The following GABRR1 variants were observed in gnomAD, a reference collection of about 807,000 sequenced individuals.
GABRR1 encodes the protein gamma-aminobutyric acid type A receptor subunit rho1.
In GABRR1, 59 loss-of-function variants were observed where a neutral mutation model predicts 55.5. The observed-to-expected ratio is 1.06, with a 90% CI of 0.86 to 1.32. GABRR1 has a LOEUF of 1.32. Ranked by LOEUF, GABRR1 falls within the 40% of genes most tolerant of loss-of-function variation. The pLI is 0.00. For synonymous variants in GABRR1, 213 were observed against 226.0 expected (o/e 0.94, Z 0.51); for missense variants, 602 against 619.1 (o/e 0.97, Z 0.29).
chr6:89,219,624 T>C (rs79106481), upstream of GABRR1, among the ~76,000 whole-genome samples: 953 of 152,344 alleles, frequency 6.3e-3, 13 homozygotes, highest in African/African-American at 0.022. Context: ...TCTGATCCTA[T>C]AGGGATGTAT....
intron 6 of GABRR1, among the ~76,000 whole-genome samples, chr6:89,188,857 T>C (rs1043897411): frequency 3.9e-5 from 6 of 152,182 alleles, no homozygotes; most frequent in Non-Finnish European, 7.3e-5. Flanking sequence ...TCTGTGTGTG[T>C]GCAAGCTTCC....
intron 2 of GABRR1, among the ~76,000 whole-genome samples, chr6:89,202,146 A>G (rs7774070): frequency 0.41 from 62,445 of 151,926 alleles, 14,725 homozygotes; most frequent in East Asian, 0.89. Context: ...GGTCATTTGT[A>G]TTTATTTTCT....
At position 89,216,484 on chromosome 6, in the gene GABRR1, G is replaced by A. The variant is rs913264038; in HGVS notation, c.122+717C>T. Among the ~76,000 whole-genome samples, 7 of 152,284 alleles carry A rather than the reference G, an allele frequency of 4.6e-5. No individual in the cohort carries two copies. In the East Asian group the frequency reaches 7.7e-4, roughly 17 times the overall value. The stretch of plus-strand genomic sequence containing the variant: ...GTCTCCTGTATTATTGACTGATGCC[G>A]GGCAAGCAGGTGTGCATCCCAGATA... On this transcript the variant is annotated intron_variant, in intron 1 of 9. Coordinates refer to ENST00000454853, the MANE Select transcript of GABRR1 (RefSeq NM_002042.5).
At chr6:89,182,139 T>G (rs1168338098) in intron 7 of GABRR1, 82 bp from the exon 8 acceptor site, 1 of 1,365,080 alleles carries the variant, frequency 7.3e-7, no homozygotes, top group Non-Finnish European at 1.0e-6. Context: ...GTTAAGTGCC[T>G]TAGACACTCC....
At chr6:89,205,449 A>G (rs1772612482) in intron 1 of GABRR1, 1 of 152,276 alleles carries the variant, frequency 6.6e-6, no homozygotes, top group African/African-American at 2.4e-5. Flanking sequence ...TGTTAAGATG[A>G]TGCAGGATGA....
intron 5 of GABRR1, 114 bp downstream of exon 5, chr6:89,197,906 A>C: frequency 1.3e-6 from 1 of 768,224 alleles, no homozygotes; most frequent in Non-Finnish European, 2.2e-6. Flanking sequence ...GATGTTGAGA[A>C]GCTGGCAACT....
chr6:89,210,215 GA>G (rs1772791599), intron 1 of GABRR1, among the ~76,000 whole-genome samples: 4 of 91,118 alleles, frequency 4.4e-5, no homozygotes, highest in Non-Finnish European at 8.1e-5. Flanking sequence ...TTTTTTTGGA[GA>G]TAGTTCTTAC....
At chr6:89,184,432 G>C (rs961663970) in intron 7 of GABRR1, among the ~76,000 whole-genome samples, 2 of 152,032 alleles carry the variant, frequency 1.3e-5, no homozygotes, top group Non-Finnish European at 2.9e-5. Context: ...GCAACAGGAG[G>C]GGGTGAGCCT....
intron 4 of GABRR1, 51 bp downstream of exon 4, chr6:89,199,311 G>C (rs1012740109): frequency 6.5e-7 from 1 of 1,543,408 alleles, no homozygotes; most frequent in Admixed American, 1.7e-5. Flanking sequence ...CCTGGCCCTG[G>C]ACCGGCTTTG....
chr6:89,187,306 A>G (rs982605844), intron 6 of GABRR1, among the ~76,000 whole-genome samples: 10 of 152,088 alleles, frequency 6.6e-5, no homozygotes, highest in Non-Finnish European at 1.3e-4. Context: ...ATTGCACTAC[A>G]TTCTTAAGTG....
chr6:89,187,357 T>G (rs886403698), intron 6 of GABRR1, among the ~76,000 whole-genome samples: 2 of 152,210 alleles, frequency 1.3e-5, no homozygotes, highest in African/African-American at 4.8e-5. Context: ...AAAATTATAC[T>G]ACATGAAAAT....
At chr6:89,186,523 T>A (rs746113378) in intron 6 of GABRR1, among the ~76,000 whole-genome samples, 3 of 152,284 alleles carry the variant, frequency 2.0e-5, no homozygotes, top group Middle Eastern at 3.4e-3. Context: ...GCCCCCACAA[T>A]CCTGCTAGCC....
chr6:89,200,627 T>C (rs866415545), intron 3 of GABRR1, among the ~76,000 whole-genome samples: 4 of 152,152 alleles, frequency 2.6e-5, no homozygotes, highest in South Asian at 2.1e-4. Context: ...TGAAAAATTA[T>C]TGACATTAAG....
intron 1 of GABRR1, among the ~76,000 whole-genome samples, chr6:89,224,573 C>A (rs750929138): frequency 1.3e-5 from 2 of 152,106 alleles, no homozygotes; most frequent in Non-Finnish European, 2.9e-5. Flanking sequence ...GGATATTAGT[C>A]CTTTGCCTGA....
intron 1 of GABRR1, among the ~76,000 whole-genome samples, chr6:89,224,367 C>T (rs1163825938): frequency 6.6e-6 from 1 of 152,200 alleles, no homozygotes; most frequent in Non-Finnish European, 1.5e-5. Flanking sequence ...GCTGAGATTA[C>T]AGGTGTGAGC....
intron 1 of GABRR1, among the ~76,000 whole-genome samples, chr6:89,223,276 A>G (rs1773140167): frequency 1.3e-5 from 2 of 152,148 alleles, no homozygotes; most frequent in South Asian, 2.1e-4. Flanking sequence ...CTTAGCTCCC[A>G]CTTATGAGTG....
intron 5 of GABRR1, among the ~76,000 whole-genome samples, chr6:89,196,673 A>T (rs1772282528): frequency 6.6e-6 from 1 of 152,018 alleles, no homozygotes; most frequent in Admixed American, 6.6e-5. Context: ...GCCACTTGGG[A>T]GGCTGAGGTC....
At chr6:89,213,773 C>T (rs957381287) in intron 1 of GABRR1, among the ~76,000 whole-genome samples, 5 of 152,086 alleles carry the variant, frequency 3.3e-5, no homozygotes, top group Non-Finnish European at 7.4e-5. Context: ...CCAAAAAAGA[C>T]AAGAAGAAAA....
upstream of GABRR1, among the ~76,000 whole-genome samples, chr6:89,220,755 T>C (rs113247030): frequency 2.1e-3 from 320 of 152,226 alleles, 3 homozygotes; most frequent in African/African-American, 6.6e-3. Flanking sequence ...AGTTTCGTTC[T>C]TGTTGCCCAG....
Sources: gnomAD v4.1 joint callset for allele counts (sites outside exome capture counted in the v4.1 genomes callset) on GRCh38, gnomAD v4.1.1 for gene constraint, MANE v1.5 for transcripts, NCBI Gene and HGNC (gene_info 2026-07-23, HGNC 2026-07-21) for gene names.